CAMTA1: variants seen among roughly 807,000 people sequenced by gnomAD.
CAMTA1 encodes the protein calmodulin-binding transcription activator 1.
A neutral mutation model predicts 170.9 loss-of-function variants in CAMTA1; 27 were observed. The ratio of observed to expected loss-of-function variants is 0.16; its 90% confidence interval spans 0.12 to 0.22. The LOEUF (loss-of-function observed/expected upper bound fraction) is 0.22, where lower values mean the gene tolerates loss of function less well. Ranked by LOEUF, CAMTA1 falls within the 10% of genes least tolerant of loss-of-function variation. CAMTA1 has a pLI of 1.00. For missense variants in CAMTA1, 1,619 were observed against 2,217.2 expected, an observed-to-expected ratio of 0.73 and a Z score of 5.42; for synonymous variants, 833 against 891.5, an observed-to-expected ratio of 0.93 and a Z score of 1.17.
intron 4 of CAMTA1, among the ~76,000 whole-genome samples, chr1:7,245,216 T>TCA (rs200151323): frequency 5.3e-5 from 8 of 150,040 alleles, no homozygotes; most frequent in Non-Finnish European, 7.4e-5. Context: ...TATATATATA[T>TCA]CACACACACA....
chr1:7,737,571 G>T lies in CAMTA1; in HGVS notation c.3658+1G>T. 1 of 1,599,116 alleles carries T rather than the reference G, an allele frequency of 6.3e-7. No individual in the cohort carries two copies. Among genetic ancestry groups the T allele is most frequent in the Non-Finnish European group, 8.5e-7 (1 of 1,171,298 alleles). ...ACTGTTATTGCAAGCACCAACCCAG[G>T]TAAGAATTCAGAATCATGACATCTC... On this transcript the variant is annotated splice_donor_variant, in intron 15 of 22. Transcript: ENST00000303635. LOFTEE classifies it high-confidence loss of function.
At chr1:7,297,114 C>T (rs1346988437) in intron 5 of CAMTA1, among the ~76,000 whole-genome samples, 1 of 152,148 alleles carries the variant, frequency 6.6e-6, no homozygotes, top group Non-Finnish European at 1.5e-5. Flanking sequence ...TCTCCCTGCC[C>T]AAAAAGAGTA....
chr1:7,725,706 C>T (rs866062340), intron 11 of CAMTA1, among the ~76,000 whole-genome samples: 16 of 152,242 alleles, frequency 1.1e-4, no homozygotes, highest in African/African-American at 3.9e-4. Flanking sequence ...AGCATCAGAA[C>T]TGCCTGGGAC....
At chr1:7,606,406 G>C (rs149603896) in intron 6 of CAMTA1, among the ~76,000 whole-genome samples, 2 of 152,160 alleles carry the variant, frequency 1.3e-5, no homozygotes, top group African/African-American at 4.8e-5. Flanking sequence ...ATCAATTCTC[G>C]TGCTTTTATC....
chr1:7,454,088 G>A (rs1010364086), intron 5 of CAMTA1, among the ~76,000 whole-genome samples: 6 of 152,214 alleles, frequency 3.9e-5, no homozygotes, highest in Non-Finnish European at 8.8e-5. Flanking sequence ...TCCCCGAGGG[G>A]AGCTCTGACT....
chr1:7,327,708 G>A lies in CAMTA1; in HGVS notation c.438+78082G>A, dbSNP rs115814299. ...CAGCTCATGCATGGGAGGAGGGACT[G>A]TTTATGTTTTCTCTCCATTCCACCA... On this transcript the variant is annotated intron_variant, in intron 5 of 22. Coordinates refer to ENST00000303635, the MANE Select transcript of CAMTA1 (RefSeq NM_015215.4). Among the ~76,000 whole-genome samples, 786 of 152,254 alleles carry A rather than the reference G, an allele frequency of 5.2e-3. 6 individuals are homozygous for A. Among genetic ancestry groups the A allele is most frequent in the African/African-American group, 0.018 (752 of 41,556 alleles).
At chr1:7,068,758 G>A (rs1345026669) in intron 3 of CAMTA1, among the ~76,000 whole-genome samples, 5 of 152,136 alleles carry the variant, frequency 3.3e-5, no homozygotes, top group African/African-American at 9.7e-5. Flanking sequence ...CCAGCCACTC[G>A]AAAGGCTGCC....
chr1:7,681,826 G>A lies in CAMTA1; in HGVS notation c.2914+4093G>A, dbSNP rs1464733976. On this transcript the variant is annotated intron_variant, in intron 11 of 22. Transcript: ENST00000303635. This position sits in a 1 kb window ranked among gnomAD's most constrained non-coding sequence, Gnocchi z 4.6. ...TCAACACTGCAGCCCTGGAGCTGAG[G>A]GGATGGGGCGGGCCCTCTTCTGGCC... Among the ~76,000 whole-genome samples, 6 of 152,206 alleles carry A rather than the reference G, an allele frequency of 3.9e-5. No individual in the cohort carries two copies. Among genetic ancestry groups the A allele is most frequent in the Non-Finnish European group, 7.3e-5 (5 of 68,032 alleles).
intron 5 of CAMTA1, among the ~76,000 whole-genome samples, chr1:7,349,621 C>T (rs554040221): frequency 6.6e-6 from 1 of 152,310 alleles, no homozygotes; most frequent in African/African-American, 2.4e-5. Flanking sequence ...GGCCTCTGTC[C>T]TTGGTTCTCT....
At chr1:7,406,346 T>C (rs935247516) in intron 5 of CAMTA1, among the ~76,000 whole-genome samples, 35 of 152,142 alleles carry the variant, frequency 2.3e-4, no homozygotes, top group African/African-American at 8.0e-4. Flanking sequence ...GCACCACAGC[T>C]AACCAGTAGT....
intron 4 of CAMTA1, among the ~76,000 whole-genome samples, chr1:7,238,035 T>C (rs1664203923): frequency 6.6e-6 from 1 of 152,238 alleles, no homozygotes; most frequent in Non-Finnish European, 1.5e-5. Context: ...CCAAATCTCA[T>C]AATCTTCTTT....
intron 3 of CAMTA1, among the ~76,000 whole-genome samples, chr1:7,033,298 C>T (rs926444819): frequency 3.3e-5 from 5 of 152,104 alleles, no homozygotes; most frequent in African/African-American, 1.2e-4. Context: ...GTTAATTACA[C>T]CCAGTGTGTT....
At chr1:7,180,085 G>A (rs1651780106) in intron 4 of CAMTA1, among the ~76,000 whole-genome samples, 1 of 152,142 alleles carries the variant, frequency 6.6e-6, no homozygotes, top group Non-Finnish European at 1.5e-5. Flanking sequence ...TATGAGATTA[G>A]GCCGGGTGCG....
chr1:7,573,827 G>A (rs2095155407), intron 6 of CAMTA1, among the ~76,000 whole-genome samples: 1 of 152,194 alleles, frequency 6.6e-6, no homozygotes, highest in African/African-American at 2.4e-5. Flanking sequence ...GGGCTGGAGT[G>A]CAGTGGCGCC....
rs768189724 is a variant in CAMTA1, at chr1:7,561,500, G to A, written c.511-78900G>A. Among the ~76,000 whole-genome samples the A allele has an allele frequency of 6.6e-6, 1 of 151,814 alleles. No homozygotes were observed. Among genetic ancestry groups the A allele is most frequent in the Non-Finnish European group, 1.5e-5 (1 of 67,926 alleles). On this transcript the variant is annotated intron_variant, in intron 6 of 22. Coordinates refer to ENST00000303635, the MANE Select transcript of CAMTA1 (RefSeq NM_015215.4). This position sits in a 1 kb window ranked among gnomAD's most constrained non-coding sequence, Gnocchi z 5.3. ...GCACCAGCACACTCCTCATCCTCTA[G>A]GATGAGCCCAAGCAGAGGTGAGAGA...
intron 5 of CAMTA1, chr1:7,389,886 G>T (rs1389952924): frequency 6.6e-6 from 1 of 152,334 alleles, no homozygotes; most frequent in Non-Finnish European, 1.5e-5. Flanking sequence ...TGAGGCTGCT[G>T]TTGGGGGTCC....
At chr1:7,726,356 A>G (rs2096686291) in intron 11 of CAMTA1, among the ~76,000 whole-genome samples, 1 of 152,158 alleles carries the variant, frequency 6.6e-6, no homozygotes, top group African/African-American at 2.4e-5. Flanking sequence ...CCCGCAGGAT[A>G]CAAACTATAT....
intron 6 of CAMTA1, among the ~76,000 whole-genome samples, chr1:7,630,192 T>C (rs1196202608): frequency 6.6e-6 from 1 of 152,202 alleles, no homozygotes; most frequent in Non-Finnish European, 1.5e-5. Context: ...CCCTCCAGGA[T>C]GGCTTGACCC....
At chr1:6,810,736 G>A (rs1570298940) in intron 1 of CAMTA1, among the ~76,000 whole-genome samples, 1 of 152,112 alleles carries the variant, frequency 6.6e-6, no homozygotes, top group Non-Finnish European at 1.5e-5. Flanking sequence ...ACCCGGAGGC[G>A]GAGCTTGCAG....
Sources: gnomAD v4.1 joint callset for allele counts (sites outside exome capture counted in the v4.1 genomes callset) on GRCh38, gnomAD v4.1.1 for gene constraint, Gnocchi (gnomAD v3.1) non-coding constraint, MANE v1.5 for transcripts, NCBI Gene and HGNC (gene_info 2026-07-23, HGNC 2026-07-21) for gene names.